The following KHDRBS2 variants were observed in gnomAD, a reference collection of about 807,000 sequenced individuals.
The protein encoded by KHDRBS2 is KH RNA binding domain containing, signal transduction associated 2.
KHDRBS2 carries 26 observed loss-of-function variants against 44.3 expected under a neutral mutation model. That is an observed-to-expected ratio of 0.59 (90% CI 0.43 to 0.81). The LOEUF is 0.81. Ranked by LOEUF, KHDRBS2 falls within the 40% of genes least tolerant of loss-of-function variation. The pLI is 0.00. For synonymous variants in KHDRBS2, 194 were observed against 151.1 expected (o/e 1.28, Z -2.08); for missense variants, 476 against 433.1 (o/e 1.10, Z -0.88).
At chr6:62,028,891 G>T (rs1783849323) in intron 3 of KHDRBS2, among the ~76,000 whole-genome samples, 1 of 152,006 alleles carries the variant, frequency 6.6e-6, no homozygotes, top group Non-Finnish European at 1.5e-5. Context: ...TGAAAAACAT[G>T]TCTTCAAAAT....
At chr6:61,603,920 C>T in the KHDRBS2 span, among the ~76,000 whole-genome samples, 6 of 152,122 alleles carry the variant, frequency 3.9e-5, no homozygotes, top group African/African-American at 1.2e-4. Flanking sequence ...ACCCTGATCA[C>T]ATTTGGTTTA....
At chr6:61,706,607 C>G (rs1444786578) in intron 7 of KHDRBS2, among the ~76,000 whole-genome samples, 2 of 151,624 alleles carry the variant, frequency 1.3e-5, no homozygotes, top group African/African-American at 4.8e-5. Context: ...TTTACCTAGA[C>G]AATTGTGATC....
chr6:61,868,850 C>A (rs1175878258), intron 6 of KHDRBS2, among the ~76,000 whole-genome samples: 1 of 152,124 alleles, frequency 6.6e-6, no homozygotes, highest in Non-Finnish European at 1.5e-5. Flanking sequence ...GAGTTGCAGT[C>A]GCCTTTTCCG....
At chr6:62,231,220 A>C (rs1832845593) in intron 1 of KHDRBS2, among the ~76,000 whole-genome samples, 1 of 152,192 alleles carries the variant, frequency 6.6e-6, no homozygotes, top group Non-Finnish European at 1.5e-5. Context: ...TCACACTTCT[A>C]TAAAGAAAGA....
At chr6:61,621,773 T>G in the KHDRBS2 span, among the ~76,000 whole-genome samples, 1 of 152,232 alleles carries the variant, frequency 6.6e-6, no homozygotes, top group Admixed American at 6.5e-5. Flanking sequence ...ATGTTACTCC[T>G]GTGGGTATGT....
At chr6:62,151,409 C>G (rs1327393868) in intron 2 of KHDRBS2, among the ~76,000 whole-genome samples, 1 of 152,060 alleles carries the variant, frequency 6.6e-6, no homozygotes, top group Non-Finnish European at 1.5e-5. Flanking sequence ...TCCTGATAAC[C>G]CACTTTTTGA....
At chr6:61,816,551 A>G (rs781441596) in intron 6 of KHDRBS2, 6 of 423,666 alleles carry the variant, frequency 1.4e-5, no homozygotes, top group African/African-American at 2.0e-5. Context: ...CCCTGCTGAC[A>G]TATTGGACTT....
At chr6:61,880,274 C>T (rs1800018701) in intron 6 of KHDRBS2, among the ~76,000 whole-genome samples, 1 of 151,742 alleles carries the variant, frequency 6.6e-6, no homozygotes, top group African/African-American at 2.4e-5. Flanking sequence ...CCTGTAAAAA[C>T]TTATAATAGA....
At chr6:61,822,561 A>G (rs1790099185) in intron 6 of KHDRBS2, among the ~76,000 whole-genome samples, 1 of 152,000 alleles carries the variant, frequency 6.6e-6, no homozygotes, top group Non-Finnish European at 1.5e-5. Context: ...ATTCTAGCAT[A>G]CTTAAAAATC....
At chr6:61,548,847 A>G in the KHDRBS2 span, among the ~76,000 whole-genome samples, 1 of 152,188 alleles carries the variant, frequency 6.6e-6, no homozygotes, top group East Asian at 1.9e-4. Flanking sequence ...AACCTAGACC[A>G]GGGTATGTTG....
chr6:61,633,730 GCAAA>G, the KHDRBS2 span, among the ~76,000 whole-genome samples: 7 of 151,988 alleles, frequency 4.6e-5, no homozygotes, highest in East Asian at 3.9e-4. Context: ...ATAAGAATGA[GCAAA>G]CAAACACTGG....
At chr6:62,198,089 T>C (rs184118721) in intron 1 of KHDRBS2, among the ~76,000 whole-genome samples, 6 of 152,120 alleles carry the variant, frequency 3.9e-5, no homozygotes, top group Admixed American at 2.6e-4. Context: ...TTTAAAGCAG[T>C]GTGCAGAGGG....
At chr6:62,149,141 T>C (rs1330408122) in intron 2 of KHDRBS2, among the ~76,000 whole-genome samples, 2 of 152,016 alleles carry the variant, frequency 1.3e-5, no homozygotes, top group African/African-American at 2.4e-5. Context: ...ACATAAACGA[T>C]TGAGACTCAC....
At chr6:62,130,898 T>C (rs1810140800) in intron 2 of KHDRBS2, among the ~76,000 whole-genome samples, 1 of 152,104 alleles carries the variant, frequency 6.6e-6, no homozygotes, top group African/African-American at 2.4e-5. Context: ...AAGTACAGTT[T>C]CTACAGAATG....
chr6:61,606,554 A>G, the KHDRBS2 span, among the ~76,000 whole-genome samples: 2 of 152,208 alleles, frequency 1.3e-5, no homozygotes, highest in African/African-American at 4.8e-5. Flanking sequence ...ACGGCCAGAT[A>G]ATAGATCCTT....
chr6:62,231,309 G>T (rs1832859761), intron 1 of KHDRBS2, among the ~76,000 whole-genome samples: 1 of 152,168 alleles, frequency 6.6e-6, no homozygotes, highest in Non-Finnish European at 1.5e-5. Context: ...TACAATCATG[G>T]CAGAAGGCGA....
At chr6:61,878,416 C>CCA (rs1458541154) in intron 6 of KHDRBS2, among the ~76,000 whole-genome samples, 6 of 151,982 alleles carry the variant, frequency 3.9e-5, no homozygotes, top group Non-Finnish European at 8.8e-5. Context: ...GGTAGATTGA[C>CCA]CAAGTGGTTC....
chr6:61,768,527 T>C (rs1432141507), intron 6 of KHDRBS2, among the ~76,000 whole-genome samples: 1 of 152,164 alleles, frequency 6.6e-6, no homozygotes, highest in Non-Finnish European at 1.5e-5. Flanking sequence ...AGATCTTGTA[T>C]GTATGCTTCA....
chr6:61,897,054 C>A (rs1803055238), intron 5 of KHDRBS2, among the ~76,000 whole-genome samples: 1 of 152,178 alleles, frequency 6.6e-6, no homozygotes, highest in Non-Finnish European at 1.5e-5. Flanking sequence ...TTGCACCCTG[C>A]AATCCCTACC....
Sources: allele counts gnomAD v4.1 joint callset (sites outside exome capture counted in the v4.1 genomes callset), GRCh38; gene constraint gnomAD v4.1.1; transcripts MANE v1.5; gene names NCBI Gene and HGNC (gene_info 2026-07-23, HGNC 2026-07-21).